Variants in SLC9A9 observed in about 807,000 individuals in gnomAD.
The protein encoded by SLC9A9 is solute carrier family 9 member A9.
Under a neutral mutation model 77.8 loss-of-function variants are expected in SLC9A9, and 62 were observed. That is an observed-to-expected ratio of 0.80 (90% CI 0.65 to 0.98). SLC9A9 has a LOEUF of 0.98. Among genes scored for constraint, SLC9A9 ranks in the 50% least tolerant of loss-of-function variants. The pLI, the probability that SLC9A9 is intolerant of heterozygous loss-of-function variation, is 0.00. For missense variants in SLC9A9, 775 were observed against 774.9 expected (o/e 1.00, Z 0.00); for synonymous variants, 320 against 283.5 (o/e 1.13, Z -1.29).
chr3:143,372,905 ATAC>A (rs1194864044), intron 13 of SLC9A9, among the ~76,000 whole-genome samples: 1 of 152,214 alleles, frequency 6.6e-6, no homozygotes, highest in Non-Finnish European at 1.5e-5. Flanking sequence ...CCACAATGAG[ATAC>A]TACTTTACTC....
intron 13 of SLC9A9, among the ~76,000 whole-genome samples, chr3:143,372,319 CA>C (rs2033076335): frequency 6.6e-6 from 1 of 151,972 alleles, no homozygotes; most frequent in African/African-American, 2.4e-5. Context: ...ATTATACTAC[CA>C]AGGCTACAGT....
chr3:143,321,794 T>C (rs1253870941), intron 14 of SLC9A9, among the ~76,000 whole-genome samples: 1 of 152,230 alleles, frequency 6.6e-6, no homozygotes, highest in Non-Finnish European at 1.5e-5. Context: ...GATTTTTAGC[T>C]CTTTAAGGAA....
chr3:143,382,704 A>G (rs2033335954), intron 12 of SLC9A9, among the ~76,000 whole-genome samples: 1 of 152,220 alleles, frequency 6.6e-6, no homozygotes, highest in Admixed American at 6.5e-5. Flanking sequence ...AAAATTACAT[A>G]TGTTTTTAAA....
intron 5 of SLC9A9, among the ~76,000 whole-genome samples, chr3:143,659,999 C>T (rs187206519): frequency 4.5e-4 from 68 of 152,302 alleles, no homozygotes; most frequent in Admixed American, 1.4e-3. Context: ...CCGTGTAAGA[C>T]GTAACTTTGC....
intron 4 of SLC9A9, among the ~76,000 whole-genome samples, chr3:143,772,688 G>T (rs1460180209): frequency 6.6e-6 from 1 of 152,214 alleles, no homozygotes; most frequent in East Asian, 1.9e-4. Context: ...CTATTGTGAG[G>T]TGCTGATTAA....
chr3:143,613,421 T>C, intron 6 of SLC9A9, among the ~76,000 whole-genome samples: 1 of 152,234 alleles, frequency 6.6e-6, no homozygotes, highest in Non-Finnish European at 1.5e-5. Flanking sequence ...CCAGAATATG[T>C]TGAAACTTCT....
At chr3:143,496,583 T>C (rs1247523147) in intron 9 of SLC9A9, among the ~76,000 whole-genome samples, 2 of 152,198 alleles carry the variant, frequency 1.3e-5, no homozygotes, top group Non-Finnish European at 2.9e-5. Flanking sequence ...AGCCCTTTGG[T>C]ACAAGATAGT....
intron 8 of SLC9A9, among the ~76,000 whole-genome samples, chr3:143,568,895 C>A (rs2037213972): frequency 6.6e-6 from 1 of 151,790 alleles, no homozygotes; most frequent in Admixed American, 6.6e-5. Context: ...AAACAATAAC[C>A]AGTTAGAAAC....
chr3:143,795,087 A>G lies in SLC9A9; in HGVS notation c.457-10T>C. The G allele has an allele frequency of 6.2e-7, 1 of 1,609,506 alleles. No homozygotes were observed. Among genetic ancestry groups the G allele is most frequent in the Non-Finnish European group, 8.5e-7 (1 of 1,176,670 alleles). The stretch of plus-strand genomic sequence containing the variant: ...TTTGAAAAAAGTGTCTCTGGGGAGA[A>G]AAAAAGATATTTAATAGAGTACATC... On this transcript the variant is annotated splice_polypyrimidine_tract_variant and intron_variant, in intron 3 of 15. Coordinates refer to ENST00000316549, the MANE Select transcript of SLC9A9 (RefSeq NM_173653.4).
At chr3:143,705,040 T>TATATAG (rs146615941) in intron 4 of SLC9A9, among the ~76,000 whole-genome samples, 2 of 52,652 alleles carry the variant, frequency 3.8e-5, no homozygotes, top group East Asian at 2.5e-4. Flanking sequence ...TCTATCTATC[T>TATATAG]ATATAGATAT....
intron 9 of SLC9A9, chr3:143,503,856 A>C (rs2035965212): frequency 2.9e-6 from 1 of 347,704 alleles, no homozygotes; most frequent in Admixed American, 3.7e-5. Flanking sequence ...TTGTTTTTGC[A>C]CTTCTCATGA....
chr3:143,268,876 C>T lies in SLC9A9; in HGVS notation c.1709G>A (p.Gly570Glu), dbSNP rs371064067. Residue 570 changes from glycine (G) to glutamate (E), a missense_variant and splice_region_variant, in exon 15 of 16, where the codon GGG becomes GAG. Coordinates refer to ENST00000316549, the MANE Select transcript of SLC9A9 (RefSeq NM_173653.4). ...SRLLTSPQAYGEQLKEDDVEC... is the reference protein window; with the variant it reads ...SRLLTSPQAYEEQLKEDDVEC... ...CCTAGAGGCCTGAGATTTACTTACC[C>T]CATAGGCTTGAGGACTGGTAAGCAG... The T allele has an allele frequency of 6.2e-7, 1 of 1,611,760 alleles. No individual in the cohort carries two copies. Among genetic ancestry groups the T allele is most frequent in the African/African-American group, 1.3e-5 (1 of 74,818 alleles).
At chr3:143,495,820 C>G (rs2035825458) in intron 9 of SLC9A9, among the ~76,000 whole-genome samples, 1 of 152,204 alleles carries the variant, frequency 6.6e-6, no homozygotes, top group Non-Finnish European at 1.5e-5. Context: ...ATTGTTTAAC[C>G]TCTGTGCACA....
chr3:143,808,460 C>T (rs2008781274), intron 2 of SLC9A9, among the ~76,000 whole-genome samples: 1 of 152,174 alleles, frequency 6.6e-6, no homozygotes, highest in Non-Finnish European at 1.5e-5. Flanking sequence ...ATTCTGGGCT[C>T]TTAGTACATT....
intron 6 of SLC9A9, among the ~76,000 whole-genome samples, chr3:143,641,385 C>CTTTGTTTTTTTT (rs2038618773): frequency 1.3e-5 from 1 of 78,820 alleles, no homozygotes; most frequent in Non-Finnish European, 2.4e-5. Context: ...TTGTCACAGT[C>CTTTGTTTTTTTT]TTTTTTTTTT....
chr3:143,392,815 A>G (rs534523292), intron 12 of SLC9A9, among the ~76,000 whole-genome samples: 1 of 152,350 alleles, frequency 6.6e-6, no homozygotes, highest in African/African-American at 2.4e-5. Context: ...CTCTGATAAA[A>G]CAGACTTTAA....
intron 1 of SLC9A9, among the ~76,000 whole-genome samples, chr3:143,839,738 C>A (rs565176948): frequency 1.3e-5 from 2 of 152,286 alleles, no homozygotes; most frequent in Admixed American, 1.3e-4. Flanking sequence ...TAGCTAACAT[C>A]CTTCCTTGCA....
intron 4 of SLC9A9, among the ~76,000 whole-genome samples, chr3:143,728,972 G>T (rs1489413955): frequency 6.6e-6 from 1 of 152,046 alleles, no homozygotes; most frequent in Non-Finnish European, 1.5e-5. Context: ...ATAATCTAAA[G>T]GTTGTCGAGC....
At chr3:143,820,822 A>ATT (rs56293110) in intron 2 of SLC9A9, among the ~76,000 whole-genome samples, 9 of 151,566 alleles carry the variant, frequency 5.9e-5, no homozygotes, top group East Asian at 3.9e-4. Context: ...AATATTGGCT[A>ATT]TTTTTTTTAT....
Sources: gnomAD v4.1 joint callset for allele counts (sites outside exome capture counted in the v4.1 genomes callset) on GRCh38, gnomAD v4.1.1 for gene constraint, MANE v1.5 for transcripts, NCBI Gene and HGNC (gene_info 2026-07-23, HGNC 2026-07-21) for gene names.